VPS13B: variants seen among roughly 807,000 people sequenced by gnomAD.
VPS13B encodes the protein intermembrane lipid transfer protein VPS13B.
Under a neutral mutation model 426.4 loss-of-function variants are expected in VPS13B, and 285 were observed. The ratio of observed to expected loss-of-function variants is 0.67; its 90% CI spans 0.61 to 0.74. The LOEUF (loss-of-function observed/expected upper bound fraction) is 0.74, where lower values mean the gene tolerates loss of function less well. VPS13B is among the 30% of genes least tolerant of loss of function. VPS13B has a pLI of 0.00. For missense variants in VPS13B, 4,537 were observed against 4,782.6 expected, an observed-to-expected ratio of 0.95 and a Z score of 1.51; for synonymous variants, 1,676 against 1,676.4, an observed-to-expected ratio of 1.00 and a Z score of 0.01.
chr8:99,079,089 G>A (rs1018964603), intron 3 of VPS13B, among the ~76,000 whole-genome samples: 12 of 152,148 alleles, frequency 7.9e-5, no homozygotes, highest in African/African-American at 2.9e-4. Context: ...TCAGTCTCCA[G>A]GGCTCTGGAG....
intron 28 of VPS13B, among the ~76,000 whole-genome samples, chr8:99,508,298 A>G (rs1821607024): frequency 6.6e-6 from 1 of 152,104 alleles, no homozygotes; most frequent in African/African-American, 2.4e-5. Flanking sequence ...AACTAATTCA[A>G]AGTAACTTGT....
At chr8:99,640,088 AAAGAAAAG>A (rs1164665946) in intron 33 of VPS13B, among the ~76,000 whole-genome samples, 3 of 150,290 alleles carry the variant, frequency 2.0e-5, no homozygotes, top group Admixed American at 6.7e-5. Context: ...AAAGAAAAGA[AAAGAAAAG>A]AAAAGAAAAG....
rs1847002555 is a variant in VPS13B at position 99,105,576 on chromosome 8, A to G, written c.580+2456A>G. Reference sequence around the variant, plus strand: ...ATATTTTTGGTAGAGACGGGGTTTCACCATGTTGGCCAGTCTGGTCTTGAA... The same window carrying G: ...ATATTTTTGGTAGAGACGGGGTTTCGCCATGTTGGCCAGTCTGGTCTTGAA... On this transcript the variant is annotated intron_variant, in intron 5 of 61. Coordinates refer to ENST00000357162, the MANE Select transcript of VPS13B (RefSeq NM_152564.5). Among the ~76,000 whole-genome samples the G allele has an allele frequency of 2.6e-5, 4 of 152,210 alleles. No individual in the cohort carries two copies. The South Asian group carries it at 8.3e-4, about 32-fold the overall frequency.
intron 23 of VPS13B, among the ~76,000 whole-genome samples, chr8:99,459,421 T>G (rs1563741786): frequency 6.6e-6 from 1 of 152,190 alleles, no homozygotes; most frequent in East Asian, 1.9e-4. Flanking sequence ...TAACAATATG[T>G]TCTGAGAAAT....
In VPS13B at chr8:99,249,569, A is replaced by C. The variant is rs982497019; in HGVS notation, c.2516-24629A>C. 3.3e-5 allele frequency among the ~76,000 whole-genome samples: 5 copies of C among 151,442 alleles called. No individual in the cohort carries two copies. The South Asian group carries it at 1.0e-3, about 32-fold the overall frequency. ...CTCCGGAGTAGCTGGGACTACAGAC[A>C]CCCGCCACCACGCCCGGCTAATTTT... On this transcript the variant is annotated intron_variant, in intron 17 of 61. Coordinates refer to ENST00000357162, the MANE Select transcript of VPS13B (RefSeq NM_152564.5).
chr8:99,275,384 G>T (rs1818847194), intron 19 of VPS13B, 130 bp downstream of exon 19: 5 of 812,862 alleles, frequency 6.2e-6, no homozygotes, highest in East Asian at 3.0e-5. Context: ...CTGCAGTTGT[G>T]CTTTTTCAAA....
chr8:99,502,549 G>A (rs546282844), intron 26 of VPS13B, among the ~76,000 whole-genome samples: 1 of 152,102 alleles, frequency 6.6e-6, no homozygotes, highest in Non-Finnish European at 1.5e-5. Context: ...TTTCCTCAAT[G>A]GTCATATTGA....
intron 61 of VPS13B, 145 bp downstream of exon 61, chr8:99,871,842 G>A: frequency 6.7e-7 from 1 of 1,482,312 alleles, no homozygotes; most frequent in Non-Finnish European, 9.3e-7. Context: ...AGAGGAGGAA[G>A]TGTAGAGGCC....
chr8:99,301,095 G>A (rs1820339417), intron 19 of VPS13B, among the ~76,000 whole-genome samples: 1 of 151,720 alleles, frequency 6.6e-6, no homozygotes, highest in African/African-American at 2.4e-5. Context: ...CATGCCTGAA[G>A]TCCCAGCTAC....
intron 6 of VPS13B, among the ~76,000 whole-genome samples, chr8:99,111,549 A>G (rs1322988659): frequency 6.6e-6 from 1 of 151,826 alleles, no homozygotes; most frequent in African/African-American, 2.4e-5. Flanking sequence ...TCTCTCTTCA[A>G]GTAGATAGAG....
chr8:99,302,089 G>A (rs1820396992), intron 19 of VPS13B, among the ~76,000 whole-genome samples: 1 of 152,072 alleles, frequency 6.6e-6, no homozygotes, highest in Admixed American at 6.6e-5. Flanking sequence ...AAGAAAGGAG[G>A]GGCATCAGAT....
intron 16 of VPS13B, among the ~76,000 whole-genome samples, chr8:99,178,227 T>C (rs1588116602): frequency 6.6e-6 from 1 of 152,092 alleles, no homozygotes; most frequent in East Asian, 1.9e-4. Context: ...TACATATGTA[T>C]ACATGTGCCA....
chr8:99,629,413 A>G (rs1828746852), intron 33 of VPS13B, among the ~76,000 whole-genome samples: 1 of 152,218 alleles, frequency 6.6e-6, no homozygotes, highest in South Asian at 2.1e-4. Flanking sequence ...CTTGGACTCA[A>G]GAAGCTTACA....
intron 29 of VPS13B, among the ~76,000 whole-genome samples, chr8:99,515,559 A>G (rs941482501): frequency 2.2e-4 from 34 of 152,032 alleles, no homozygotes; most frequent in Non-Finnish European, 2.5e-4. Flanking sequence ...GAGATTGGGG[A>G]AGGTTTTTAT....
intron 19 of VPS13B, chr8:99,347,732 A>G (rs1251232474): frequency 6.6e-6 from 1 of 152,230 alleles, no homozygotes; most frequent in Non-Finnish European, 1.5e-5. Flanking sequence ...GCTCCAGTGT[A>G]TATGCTCTGC....
At chr8:99,177,647 G>A (rs1205626629) in intron 16 of VPS13B, among the ~76,000 whole-genome samples, 4 of 152,116 alleles carry the variant, frequency 2.6e-5, no homozygotes, top group Non-Finnish European at 2.9e-5. Flanking sequence ...GAATTTTATG[G>A]TCAGTTGGGG....
chr8:99,710,330 GT>G (rs1435066082), intron 36 of VPS13B, among the ~76,000 whole-genome samples: 1 of 151,900 alleles, frequency 6.6e-6, no homozygotes, highest in Admixed American at 6.6e-5. Context: ...TGGTGCATTT[GT>G]CCCCCTAGGA....
At chr8:99,445,257 T>G (rs890973678) in intron 23 of VPS13B, among the ~76,000 whole-genome samples, 1 of 148,728 alleles carries the variant, frequency 6.7e-6, no homozygotes, top group Admixed American at 6.7e-5. Context: ...TAAATTGATA[T>G]TATAAATTTT....
At chr8:99,501,937 TTCC>T in intron 26 of VPS13B, 79 bp downstream of exon 26, 1 of 1,336,226 alleles carries the variant, frequency 7.5e-7, no homozygotes, top group Admixed American at 2.2e-5. Flanking sequence ...CCTTCCTTCC[TTCC>T]TTTCTTTTCT....
Sources: allele counts gnomAD v4.1 joint callset (sites outside exome capture counted in the v4.1 genomes callset), GRCh38; gene constraint gnomAD v4.1.1; transcripts MANE v1.5; gene names NCBI Gene and HGNC (gene_info 2026-07-23, HGNC 2026-07-21).